ASIC2: variants seen among roughly 807,000 people sequenced by gnomAD.
The protein encoded by ASIC2 is acid-sensing ion channel 2.
In ASIC2, 25 loss-of-function variants were observed where a neutral mutation model predicts 57.3. The observed-to-expected ratio is 0.44, with a 90% CI of 0.32 to 0.61. The LOEUF is 0.61. Among genes scored for constraint, ASIC2 ranks in the 20% least tolerant of loss-of-function variants. The probability of loss-of-function intolerance (pLI) is 0.06; values close to 1 mark genes in which losing one functional copy is unlikely to be tolerated. For missense variants in ASIC2, 641 were observed against 738.1 expected (o/e 0.87, Z 1.52); for synonymous variants, 319 against 307.5 (o/e 1.04, Z -0.39).
At chr17:33,828,468 G>A (rs1741387672) in intron 1 of ASIC2, 1 of 152,304 alleles carries the variant, frequency 6.6e-6, no homozygotes, top group African/African-American at 2.4e-5. Context: ...CACCTCATCA[G>A]TAACTTGTAT....
chr17:33,098,334 T>C (rs1047127863), intron 2 of ASIC2, among the ~76,000 whole-genome samples: 5 of 151,894 alleles, frequency 3.3e-5, no homozygotes, highest in African/African-American at 1.2e-4. Context: ...AGTGTGTATC[T>C]TGTCCTTCCT....
At chr17:33,088,819 G>A in intron 3 of ASIC2, 44 bp downstream of exon 3, 1 of 1,565,378 alleles carries the variant, frequency 6.4e-7, no homozygotes, top group Non-Finnish European at 8.7e-7. Flanking sequence ...CAGGGGGTCG[G>A]GGGAGGCTGA....
At chr17:33,211,522 A>G (rs1907271286) in intron 1 of ASIC2, among the ~76,000 whole-genome samples, 1 of 147,558 alleles carries the variant, frequency 6.8e-6, no homozygotes. Flanking sequence ...GATAAAGTAA[A>G]CATCTCTTTA....
chr17:33,409,821 C>G (rs1319063421), intron 1 of ASIC2, among the ~76,000 whole-genome samples: 1 of 152,204 alleles, frequency 6.6e-6, no homozygotes, highest in African/African-American at 2.4e-5. Context: ...AGGACCCCAG[C>G]CCAGTTTGGG....
intron 1 of ASIC2, chr17:34,038,612 C>A (rs988013633): frequency 1.3e-6 from 2 of 1,599,396 alleles, no homozygotes; most frequent in African/African-American, 1.3e-5. Flanking sequence ...ATTATGTATC[C>A]TTTTTACTTC....
chr17:33,691,319 G>T (rs991105299), intron 1 of ASIC2, among the ~76,000 whole-genome samples: 1 of 152,144 alleles, frequency 6.6e-6, no homozygotes, highest in Non-Finnish European at 1.5e-5. Context: ...CCACATAGAG[G>T]TTGTACCAAA....
intron 3 of ASIC2, among the ~76,000 whole-genome samples, chr17:33,075,533 C>G (rs1054005322): frequency 6.6e-6 from 1 of 152,158 alleles, no homozygotes; most frequent in Admixed American, 6.5e-5. Context: ...CATTATCACC[C>G]TTTCAGGTCA....
chr17:33,916,366 G>T (rs80179420), intron 1 of ASIC2, among the ~76,000 whole-genome samples: 1 of 152,172 alleles, frequency 6.6e-6, no homozygotes, highest in African/African-American at 2.4e-5. Context: ...CAAGGAGAGA[G>T]AGCTGGGCTG....
intron 1 of ASIC2, among the ~76,000 whole-genome samples, chr17:33,433,592 A>G (rs1182901520): frequency 6.6e-6 from 1 of 152,116 alleles, no homozygotes; most frequent in African/African-American, 2.4e-5. Flanking sequence ...CCCGTCTAAA[A>G]TACAAAAATT....
intron 1 of ASIC2, among the ~76,000 whole-genome samples, chr17:33,889,288 TA>T (rs1444475149): frequency 1.3e-5 from 2 of 152,156 alleles, no homozygotes; most frequent in African/African-American, 4.8e-5. Flanking sequence ...ATGACTTCCC[TA>T]AAGTCACGGT....
chr17:33,437,756 A>T (rs1028995165), intron 1 of ASIC2, among the ~76,000 whole-genome samples: 5 of 152,178 alleles, frequency 3.3e-5, no homozygotes, highest in African/African-American at 1.2e-4. Flanking sequence ...AGATCACACC[A>T]CTGCACTCCA....
Position 33,291,944 on chromosome 17 carries a change from GC to G in ASIC2, c.171del (p.Arg58GlyfsTer4). On this transcript the variant is annotated frameshift_variant, in exon 1 of 10. Coordinates refer to ENST00000225823, the MANE Select transcript of ASIC2 (RefSeq NM_183377.2). LOFTEE classifies it high-confidence loss of function. Reference protein sequence around the residue: ...ALQGPGVARRGRPSLSRAKLH... With the variant: ...ALQGPGVARRXRPSLSRAKLH... ...AGTTTAGCGCGGCTCAGCGATGGCCGCCCCCTGCGGGCGACCCCTGGCCCCT... is the reference window on the plus strand; with the variant it reads ...AGTTTAGCGCGGCTCAGCGATGGCCGCCCCTGCGGGCGACCCCTGGCCCCT... The G allele has an allele frequency of 6.6e-7, 1 of 1,518,738 alleles. No individual in the cohort carries two copies. Among genetic ancestry groups the G allele is most frequent in the Middle Eastern group, 2.2e-4 (1 of 4,578 alleles). 94.1% of individuals were successfully genotyped at this position (1,518,738 alleles called of 1,614,324 possible).
chr17:33,682,459 T>C (rs1021863518), intron 1 of ASIC2, among the ~76,000 whole-genome samples: 2 of 152,144 alleles, frequency 1.3e-5, no homozygotes, highest in Non-Finnish European at 2.9e-5. Context: ...CCAGAAGACC[T>C]GCGTGCGGCC....
At chr17:33,190,694 A>G (rs1906379280) in intron 1 of ASIC2, among the ~76,000 whole-genome samples, 1 of 152,194 alleles carries the variant, frequency 6.6e-6, no homozygotes, top group Non-Finnish European at 1.5e-5. Flanking sequence ...GATCAATGGA[A>G]CAGAAAGTCC....
chr17:33,988,484 G>A (rs915913024), intron 1 of ASIC2, among the ~76,000 whole-genome samples: 6 of 152,116 alleles, frequency 3.9e-5, no homozygotes, highest in Non-Finnish European at 5.9e-5. Flanking sequence ...AGGTCTCCTC[G>A]GCCATGTGGA....
At chr17:33,725,721 ACC>A (rs3064573) in intron 1 of ASIC2, among the ~76,000 whole-genome samples, 8,536 of 130,638 alleles carry the variant, frequency 0.065, 450 homozygotes, top group African/African-American at 0.15. Context: ...CTATTAAGAA[ACC>A]CCCCCCCCCT....
intron 1 of ASIC2, among the ~76,000 whole-genome samples, chr17:33,511,872 C>T (rs574886675): frequency 8.3e-4 from 127 of 152,282 alleles, no homozygotes; most frequent in African/African-American, 2.5e-3. Context: ...TCACTTGCCA[C>T]GAAACCCACA....
chr17:34,080,755 G>C (rs929134302), intron 1 of ASIC2: 1 of 152,194 alleles, frequency 6.6e-6, no homozygotes, highest in Non-Finnish European at 1.5e-5. Flanking sequence ...GGAACTGAAC[G>C]GAGCAATCAA....
At chr17:33,481,932 C>T (rs1461337788) in intron 1 of ASIC2, among the ~76,000 whole-genome samples, 1 of 152,208 alleles carries the variant, frequency 6.6e-6, no homozygotes, top group Non-Finnish European at 1.5e-5. Flanking sequence ...AAGTACAGTG[C>T]ATACATTTTA....
Sources: gnomAD v4.1 joint callset for allele counts (sites outside exome capture counted in the v4.1 genomes callset) on GRCh38, gnomAD v4.1.1 for gene constraint, MANE v1.5 for transcripts, NCBI Gene and HGNC (gene_info 2026-07-23, HGNC 2026-07-21) for gene names.